Variants in KCNAB2 observed in about 807,000 individuals in gnomAD.
KCNAB2 encodes potassium voltage-gated channel subfamily A regulatory beta subunit 2.
A neutral mutation model predicts 63.6 loss-of-function variants in KCNAB2; 29 were observed. The ratio of observed to expected loss-of-function variants is 0.46; its 90% CI spans 0.34 to 0.62. KCNAB2 has a LOEUF of 0.62. Ranked by LOEUF, KCNAB2 falls within the 20% of genes least tolerant of loss-of-function variation. The pLI, the probability that KCNAB2 is intolerant of heterozygous loss-of-function variation, is 0.01. For synonymous variants in KCNAB2, 222 were observed against 224.2 expected (o/e 0.99, Z 0.09); for missense variants, 359 against 563.9 (o/e 0.64, Z 3.68).
upstream of KCNAB2, chr1:6,041,920 G>C: frequency 6.4e-7 from 1 of 1,558,302 alleles, no homozygotes; most frequent in African/African-American, 1.4e-5. Context: ...GAAGGCCAGG[G>C]AGCGGGTGGG....
At chr1:6,095,465 G>GCCGCCC in intron 12 of KCNAB2, 22 bp downstream of exon 12, 2 of 1,586,088 alleles carry the variant, frequency 1.3e-6, no homozygotes, top group Non-Finnish European at 1.7e-6. Context: ...CGGGCCCCTC[G>GCCGCCC]CCCCGCCCCA....
chr1:6,096,155 G>T lies in KCNAB2; in HGVS notation c.949-481G>T, dbSNP rs751670484. 5 of 457,464 alleles carry T rather than the reference G, an allele frequency of 1.1e-5. No homozygotes were observed. The highest frequency in any genetic ancestry group is 2.0e-5 in the African/African-American group (1 of 50,068). The allele number at this position is 457,464 out of a possible 1,614,324, so 28.3% of individuals were successfully genotyped here. On this transcript the variant is annotated intron_variant, in intron 13 of 15. Transcript: ENST00000378083. This position sits in a 1 kb window ranked among gnomAD's most constrained non-coding sequence, Gnocchi z 5.9. ...TCAGCACTGGGGCCCACAGCCCTGGGTTCCAGGGCAACGTGGCCTGGCCCC... is the reference window on the plus strand; with the variant it reads ...TCAGCACTGGGGCCCACAGCCCTGGTTTCCAGGGCAACGTGGCCTGGCCCC...
chr1:6,046,415 G>A (rs947452347), intron 1 of KCNAB2, among the ~76,000 whole-genome samples: 1 of 152,230 alleles, frequency 6.6e-6, no homozygotes, highest in African/African-American at 2.4e-5. Flanking sequence ...CAGCCGGGCA[G>A]CACCTCTCGC....
chr1:5,993,016 C>G (rs1656612112), intron 1 of KCNAB2, among the ~76,000 whole-genome samples: 1 of 151,636 alleles, frequency 6.6e-6, no homozygotes, highest in Admixed American at 6.6e-5. Flanking sequence ...TCTTTCCTTC[C>G]CTGTCCTCCC....
At chr1:6,009,790 C>T (rs918582332) in intron 1 of KCNAB2, among the ~76,000 whole-genome samples, 3 of 152,114 alleles carry the variant, frequency 2.0e-5, no homozygotes, top group Non-Finnish European at 2.9e-5. Flanking sequence ...CTCTCTATGT[C>T]TTTAGCAGGT....
intron 5 of KCNAB2, 127 bp downstream of exon 5, chr1:6,082,401 T>A (rs969264039): frequency 2.7e-6 from 2 of 727,330 alleles, no homozygotes; most frequent in South Asian, 1.5e-5. Flanking sequence ...CTTTCATTTT[T>A]AAACTCTGAA....
At position 6,087,244 on chromosome 1, in the gene KCNAB2, G is replaced by C. The variant is rs1213283428; in HGVS notation, c.426-223G>C. ...TCCAACTCCCACTGCCTGACTCACA[G>C]TTACTGCCTCGGTGGCTGCCTCCTG... On this transcript the variant is annotated intron_variant, in intron 6 of 15. Transcript: ENST00000378083. This position sits in a 1 kb window ranked among gnomAD's most constrained non-coding sequence, Gnocchi z 6.4. Among the ~76,000 whole-genome samples, 1 of 152,192 alleles carries C rather than the reference G, an allele frequency of 6.6e-6. No homozygotes were observed. The highest frequency in any genetic ancestry group is 1.9e-4 in the East Asian group (1 of 5,176).
intron 1 of KCNAB2, among the ~76,000 whole-genome samples, chr1:6,007,952 G>T (rs1002742334): frequency 9.2e-5 from 14 of 152,172 alleles, no homozygotes; most frequent in Admixed American, 2.6e-4. Flanking sequence ...CAGGGGCAGT[G>T]GTGGGGTCTG....
chr1:6,053,587 G>A (rs904839815), intron 2 of KCNAB2, among the ~76,000 whole-genome samples: 13 of 152,314 alleles, frequency 8.5e-5, no homozygotes, highest in Non-Finnish European at 1.5e-4. Context: ...CTCAGCTGGA[G>A]GAGCGAAGAG....
At chr1:6,048,027 G>C (rs1661073514) in intron 1 of KCNAB2, among the ~76,000 whole-genome samples, 1 of 152,222 alleles carries the variant, frequency 6.6e-6, no homozygotes, top group South Asian at 2.1e-4. Context: ...CCACAGGGAG[G>C]GACGCCCTCT....
chr1:6,057,522 C>G (rs1033541632), intron 2 of KCNAB2, among the ~76,000 whole-genome samples: 4 of 152,134 alleles, frequency 2.6e-5, no homozygotes, highest in African/African-American at 9.7e-5. Context: ...CCAAGTGCAT[C>G]CTGGGAAAGA....
chr1:6,096,231 G>A lies in KCNAB2; in HGVS notation c.949-405G>A, dbSNP rs748679088. The A allele has an allele frequency of 1.6e-5, 7 of 449,280 alleles. No homozygotes were observed. The highest frequency in any genetic ancestry group is 2.7e-5 in the Non-Finnish European group (6 of 225,208). 27.8% of individuals were successfully genotyped at this position (449,280 alleles called of 1,614,324 possible). ...TCAGGGCCCCCCTCCAGGAGGCCCTGCAATCCTCTGGGGGGGATGGCCAGG... is the reference window on the plus strand; with the variant it reads ...TCAGGGCCCCCCTCCAGGAGGCCCTACAATCCTCTGGGGGGGATGGCCAGG... On this transcript the variant is annotated intron_variant, in intron 13 of 15. Coordinates refer to ENST00000378083, the MANE Select transcript of KCNAB2 (RefSeq NM_001199862.2). The surrounding 1 kb of genome is among the most constrained non-coding windows in gnomAD (Gnocchi z 5.9).
intron 1 of KCNAB2, among the ~76,000 whole-genome samples, chr1:6,005,893 A>C (rs1289115613): frequency 4.8e-5 from 7 of 145,170 alleles, no homozygotes; most frequent in Admixed American, 1.4e-4. Context: ...GATCCATTCC[A>C]CCCTCACCCC....
chr1:6,072,853 G>A (rs1052297249), intron 3 of KCNAB2, 55 bp downstream of exon 3: 3 of 1,573,634 alleles, frequency 1.9e-6, no homozygotes, highest in Admixed American at 1.7e-5. Flanking sequence ...GGGGAGGCCG[G>A]GCATGGACTG....
rs935509949 is a variant in KCNAB2 at position 6,071,506 on chromosome 1, G to A, written c.219-1249G>A. ...CACGCCCTGCTTAACAGGCTGGGGT[G>A]TGGGATGCATGCCACCATGGTGGGG... On this transcript the variant is annotated intron_variant, in intron 2 of 15. Transcript: ENST00000378083. The surrounding 1 kb of genome is among the most constrained non-coding windows in gnomAD (Gnocchi z 8.5). Among the ~76,000 whole-genome samples, 2 of 152,214 alleles carry A rather than the reference G, an allele frequency of 1.3e-5. No individual in the cohort carries two copies. The highest frequency in any genetic ancestry group is 4.8e-5 in the African/African-American group (2 of 41,460).
chr1:6,097,198 G>A, intron 14 of KCNAB2, 71 bp from the exon 15 acceptor site: 1 of 1,461,774 alleles, frequency 6.8e-7, no homozygotes, highest in Non-Finnish European at 9.1e-7. Flanking sequence ...GGCCCAGTCA[G>A]AGGCAAGGCA....
upstream of KCNAB2, among the ~76,000 whole-genome samples, chr1:6,032,737 C>T (rs1425932395): frequency 1.3e-5 from 2 of 152,182 alleles, no homozygotes; most frequent in African/African-American, 4.8e-5. Flanking sequence ...GATGGGCAAA[C>T]TTGCTTGTTC....
intron 2 of KCNAB2, among the ~76,000 whole-genome samples, chr1:6,068,737 G>C (rs1324822870): frequency 6.6e-6 from 1 of 152,288 alleles, no homozygotes; most frequent in African/African-American, 2.4e-5. Context: ...GGGTGCAAGA[G>C]GGGGGCAGCA....
At chr1:6,091,400 G>A (rs1278396084) in intron 10 of KCNAB2, 93 bp downstream of exon 10, 2 of 938,152 alleles carry the variant, frequency 2.1e-6, no homozygotes, top group Non-Finnish European at 1.6e-6. Flanking sequence ...TTTACCCCAT[G>A]AGAAACTTCT....
Sources: gnomAD v4.1 joint callset for allele counts (sites outside exome capture counted in the v4.1 genomes callset) on GRCh38, gnomAD v4.1.1 for gene constraint, Gnocchi (gnomAD v3.1) non-coding constraint, MANE v1.5 for transcripts, NCBI Gene and HGNC (gene_info 2026-07-23, HGNC 2026-07-21) for gene names.